The following SEPTIN14 variants were observed in gnomAD, a reference collection of about 807,000 sequenced individuals.
SEPTIN14 encodes septin-14.
SEPTIN14 carries 40 observed loss-of-function variants against 53.6 expected under a neutral mutation model. The ratio of observed to expected loss-of-function variants is 0.75; its 90% confidence interval spans 0.58 to 0.97. The LOEUF is 0.97. Among genes scored for constraint, SEPTIN14 ranks in the 50% least tolerant of loss-of-function variants. The pLI is 0.00. For missense variants in SEPTIN14, 471 were observed against 508.2 expected (o/e 0.93, Z 0.70); for synonymous variants, 138 against 166.8 (o/e 0.83, Z 1.33).
In SEPTIN14 at chr7:55,830,005, C is replaced by G. The variant is rs1457378960; in HGVS notation, c.720+4420G>C. Reference sequence around the variant, plus strand: ...TATCCTGGCTAACACGGTGAAACCCCGTCTCTACTGAAAATACAAAAAATT... The same window carrying G: ...TATCCTGGCTAACACGGTGAAACCCGGTCTCTACTGAAAATACAAAAAATT... On this transcript the variant is annotated intron_variant, in intron 6 of 9. Transcript: ENST00000388975. 4.6e-5 allele frequency among the ~76,000 whole-genome samples: 7 copies of G among 151,226 alleles called. No individual in the cohort carries two copies. The East Asian group carries it at 9.9e-4, about 21-fold the overall frequency.
At chr7:55,814,946 C>A (rs1788767077) in intron 7 of SEPTIN14, among the ~76,000 whole-genome samples, 1 of 152,074 alleles carries the variant, frequency 6.6e-6, no homozygotes, top group South Asian at 2.1e-4. Context: ...AAAACAGACA[C>A]AAAGACCAAT....
At chr7:55,829,322 T>C (rs1465366962) in intron 6 of SEPTIN14, among the ~76,000 whole-genome samples, 1 of 149,686 alleles carries the variant, frequency 6.7e-6, no homozygotes, top group Non-Finnish European at 1.5e-5. Flanking sequence ...GAGGTTGCAG[T>C]GAGCCAAGAT....
At chr7:55,798,032 C>T (rs1023730663) in intron 9 of SEPTIN14, 50 of 166,426 alleles carry the variant, frequency 3.0e-4, no homozygotes, top group African/African-American at 1.2e-3. Context: ...CCTGCCCAGA[C>T]CATGTACTCG....
At chr7:55,811,349 G>T in intron 7 of SEPTIN14, 2 of 504,798 alleles carry the variant, frequency 4.0e-6, no homozygotes, top group East Asian at 5.5e-5. Flanking sequence ...GAAAGGAGGC[G>T]AGCTTCCACC....
intron 7 of SEPTIN14, among the ~76,000 whole-genome samples, chr7:55,818,499 T>C (rs1166333430): frequency 6.7e-6 from 1 of 150,018 alleles, no homozygotes; most frequent in Non-Finnish European, 1.5e-5. Flanking sequence ...AAAAAATCAT[T>C]TGGAAACCAG....
intron 6 of SEPTIN14, among the ~76,000 whole-genome samples, chr7:55,830,041 G>A (rs1021341323): frequency 6.7e-6 from 1 of 150,318 alleles, no homozygotes; most frequent in Admixed American, 6.6e-5. Flanking sequence ...AGCCGGGCGT[G>A]GTGGCGGGCG....
chr7:55,819,360 T>G, intron 6 of SEPTIN14, 137 bp from the exon 7 acceptor site: 1 of 644,762 alleles, frequency 1.6e-6, no homozygotes, highest in Non-Finnish European at 2.8e-6. Flanking sequence ...GAGGCCGAGG[T>G]GGGCGGATCA....
intron 2 of SEPTIN14, among the ~76,000 whole-genome samples, chr7:55,859,558 AT>A (rs1789706968): frequency 6.6e-6 from 1 of 152,084 alleles, no homozygotes; most frequent in Admixed American, 6.6e-5. Flanking sequence ...TCATTGCAGT[AT>A]TTTTTTAATA....
At chr7:55,862,320 A>G (rs1040468836) in intron 1 of SEPTIN14, among the ~76,000 whole-genome samples, 1 of 152,134 alleles carries the variant, frequency 6.6e-6, no homozygotes, top group African/African-American at 2.4e-5. Flanking sequence ...AAATGACTCC[A>G]TGGTCGTAAG....
At chr7:55,825,792 C>G (rs1249467655) in intron 6 of SEPTIN14, among the ~76,000 whole-genome samples, 1 of 151,426 alleles carries the variant, frequency 6.6e-6, no homozygotes, top group Non-Finnish European at 1.5e-5. Flanking sequence ...CGTAGTGAGA[C>G]CCCCACCTCT....
In SEPTIN14 at chr7:55,793,813, G is replaced by C. The variant is rs1386716174; in HGVS notation, c.*2100C>G. 1 of 151,784 alleles carries C rather than the reference G, an allele frequency of 6.6e-6. No individual in the cohort carries two copies. The highest frequency in any genetic ancestry group is 1.5e-5 in the Non-Finnish European group (1 of 67,926). 9.4% of individuals were successfully genotyped at this position (151,784 alleles called of 1,614,324 possible). On this transcript the variant is annotated 3_prime_UTR_variant, in exon 10 of 10. Transcript: ENST00000388975. ...AAATCTACATAGAATATACACAAAA[G>C]GAAATGAGAATAGAAACAAAACTTG...
intron 5 of SEPTIN14, among the ~76,000 whole-genome samples, chr7:55,842,188 T>TGTGTA (rs1202266678): frequency 6.6e-6 from 1 of 152,198 alleles, no homozygotes; most frequent in Non-Finnish European, 1.5e-5. Context: ...GGCTATATCA[T>TGTGTA]GTAGGTATGT....
intron 6 of SEPTIN14, among the ~76,000 whole-genome samples, chr7:55,827,984 C>A (rs1789020904): frequency 6.6e-6 from 1 of 151,328 alleles, no homozygotes; most frequent in South Asian, 2.1e-4. Context: ...ACAACTTTCC[C>A]AGATGAGAAG....
chr7:55,848,968 T>C (rs1160015089), intron 2 of SEPTIN14, among the ~76,000 whole-genome samples: 1 of 151,980 alleles, frequency 6.6e-6, no homozygotes, highest in Non-Finnish European at 1.5e-5. Flanking sequence ...AAAGTGTGCA[T>C]ACACAATGAG....
intron 2 of SEPTIN14, among the ~76,000 whole-genome samples, chr7:55,855,008 T>TTA (rs1491392189): frequency 1.2e-5 from 1 of 80,290 alleles, no homozygotes; most frequent in Non-Finnish European, 2.1e-5. Flanking sequence ...AGATCACAAC[T>TTA]TTTTTTTTTT....
Position 55,841,901 on chromosome 7 carries a change from C to A in SEPTIN14, c.558+1041G>T, listed in dbSNP as rs187798381. 1.6e-3 allele frequency among the ~76,000 whole-genome samples: 248 copies of A among 151,392 alleles called. 2 individuals are homozygous for A. The highest frequency in any genetic ancestry group is 3.4e-3 in the Middle Eastern group (1 of 290). ...ATTAGCCGGGCATGGTGGCACAGGC[C>A]TGTCAGGCCTATAGTCCCAGCTACT... On this transcript the variant is annotated intron_variant, in intron 5 of 9. Transcript: ENST00000388975.
chr7:55,862,132 C>T, intron 1 of SEPTIN14, 121 bp from the exon 2 acceptor site: 1 of 628,812 alleles, frequency 1.6e-6, no homozygotes, highest in Non-Finnish European at 2.7e-6. Context: ...GTTTTTAGTT[C>T]ACACTATTCA....
At chr7:55,852,671 A>T (rs1342876423) in intron 2 of SEPTIN14, among the ~76,000 whole-genome samples, 1 of 152,194 alleles carries the variant, frequency 6.6e-6, no homozygotes. Flanking sequence ...AGGAAACCAA[A>T]GCAAAAATGG....
At chr7:55,811,942 C>T (rs1032349336) in intron 7 of SEPTIN14, among the ~76,000 whole-genome samples, 4 of 151,924 alleles carry the variant, frequency 2.6e-5, no homozygotes, top group Admixed American at 2.0e-4. Flanking sequence ...TACAGGCGCC[C>T]GCCACCACAC....
Sources: gnomAD v4.1 joint callset for allele counts (sites outside exome capture counted in the v4.1 genomes callset) on GRCh38, gnomAD v4.1.1 for gene constraint, MANE v1.5 for transcripts, NCBI Gene and HGNC (gene_info 2026-07-23, HGNC 2026-07-21) for gene names.